The following RBFOX1 variants were observed in gnomAD, a reference collection of about 807,000 sequenced individuals.
The protein encoded by RBFOX1 is RNA binding protein fox-1 homolog 1.
A neutral mutation model predicts 57.7 loss-of-function variants in RBFOX1; 8 were observed. That is an observed-to-expected ratio of 0.14 (90% confidence interval 0.08 to 0.25). The LOEUF (loss-of-function observed/expected upper bound fraction) is 0.25. Ranked by LOEUF, RBFOX1 falls within the 10% of genes least tolerant of loss-of-function variation. RBFOX1 has a pLI of 1.00. For missense variants in RBFOX1, 611 were observed against 548.5 expected (o/e 1.11, Z -1.14); for synonymous variants, 326 against 222.4 (o/e 1.47, Z -4.15).
intron 2 of RBFOX1, among the ~76,000 whole-genome samples, chr16:6,648,346 G>T (rs147332893): frequency 1.1e-3 from 163 of 151,982 alleles, no homozygotes; most frequent in African/African-American, 3.6e-3. Flanking sequence ...TAGGCATGAT[G>T]CATTTTAACT....
chr16:6,501,421 A>G (rs992367347), intron 2 of RBFOX1, among the ~76,000 whole-genome samples: 2 of 151,082 alleles, frequency 1.3e-5, no homozygotes, highest in African/African-American at 4.9e-5. Flanking sequence ...ATAGTTTGCT[A>G]AGAATGATGG....
chr16:7,231,727 G>A lies in RBFOX1; in HGVS notation c.27+179629G>A, dbSNP rs1245576777. ...TGAAATATCATTGAGCCATAAAAAG[G>A]AAGGAGCTACTGTTACATGCTACAA... On this transcript the variant is annotated intron_variant, in intron 4 of 15. Coordinates refer to ENST00000550418, the MANE Select transcript of RBFOX1 (RefSeq NM_018723.4). 1.3e-5 allele frequency among the ~76,000 whole-genome samples: 2 copies of A among 152,150 alleles called. 1 individual carries two copies. Among genetic ancestry groups the A allele is most frequent in the Non-Finnish European group, 2.9e-5 (2 of 68,030 alleles).
At chr16:7,269,302 GT>G (rs2095259331) in intron 4 of RBFOX1, among the ~76,000 whole-genome samples, 1 of 151,970 alleles carries the variant, frequency 6.6e-6, no homozygotes, top group African/African-American at 2.4e-5. Flanking sequence ...AAATAATTCT[GT>G]TTAGAAAAGC....
intron 4 of RBFOX1, among the ~76,000 whole-genome samples, chr16:7,199,701 C>A (rs9940885): frequency 7.2e-5 from 11 of 152,044 alleles, no homozygotes; most frequent in African/African-American, 2.7e-4. Flanking sequence ...CAAGATCTGC[C>A]TTTGCCAACG....
intron 3 of RBFOX1, among the ~76,000 whole-genome samples, chr16:7,005,537 A>G (rs1188894173): frequency 6.6e-6 from 1 of 152,198 alleles, no homozygotes; most frequent in Non-Finnish European, 1.5e-5. Flanking sequence ...AGTGTTCTGT[A>G]ATTTTTATCT....
At chr16:7,265,493 G>T (rs2095093380) in intron 4 of RBFOX1, among the ~76,000 whole-genome samples, 1 of 152,080 alleles carries the variant, frequency 6.6e-6, no homozygotes, top group Non-Finnish European at 1.5e-5. Context: ...CTGTCACCCA[G>T]GCTGGAGTGC....
chr16:7,192,971 C>T (rs529311637), intron 4 of RBFOX1, among the ~76,000 whole-genome samples: 19 of 152,290 alleles, frequency 1.2e-4, no homozygotes, highest in Admixed American at 1.2e-3. Flanking sequence ...TGTCGACAGA[C>T]ATCTTTGGGT....
At position 5,889,311 on chromosome 16, in the gene RBFOX1, A is replaced by G. The variant is rs894898980; in HGVS notation, c.351+21976A>G. Among the ~76,000 whole-genome samples, 8 of 152,106 alleles carry G rather than the reference A, an allele frequency of 5.3e-5. No homozygotes were observed. In the East Asian group the frequency reaches 1.5e-3, roughly 29 times the overall value. On this transcript the variant is annotated intron_variant, in intron 4 of 19. Coordinates refer to the RBFOX1 transcript ENST00000641259. ...CATTCAGCTCCCCCTTATAAGTGAG[A>G]ACACGTGGTGTTTGCTTTTCTTTTC...
chr16:7,662,466 T>A (rs540107345), intron 12 of RBFOX1, among the ~76,000 whole-genome samples: 1 of 152,324 alleles, frequency 6.6e-6, no homozygotes, highest in African/African-American at 2.4e-5. Context: ...TTCTGACGCC[T>A]TCTCATGCCC....
intron 3 of RBFOX1, among the ~76,000 whole-genome samples, chr16:6,986,498 C>A (rs2090318821): frequency 2.6e-5 from 4 of 152,200 alleles, no homozygotes; most frequent in Admixed American, 2.6e-4. Flanking sequence ...CACGTCCAGC[C>A]CCAGGCTGGT....
chr16:7,605,247 G>A (rs1181922117), intron 9 of RBFOX1, among the ~76,000 whole-genome samples: 1 of 152,096 alleles, frequency 6.6e-6, no homozygotes, highest in East Asian at 1.9e-4. Context: ...TGAAATGTCT[G>A]AACTAATATT....
At chr16:7,048,785 G>C (rs1187934124) in intron 3 of RBFOX1, among the ~76,000 whole-genome samples, 1 of 152,048 alleles carries the variant, frequency 6.6e-6, no homozygotes, top group African/African-American at 2.4e-5. Context: ...AAGTCATTTT[G>C]GTTTGTATTC....
At chr16:5,823,703 A>G (rs1205051018) in intron 3 of RBFOX1, among the ~76,000 whole-genome samples, 5 of 152,152 alleles carry the variant, frequency 3.3e-5, no homozygotes. Flanking sequence ...TGTGAACTGC[A>G]CATGTGAGGG....
intron 4 of RBFOX1, among the ~76,000 whole-genome samples, chr16:7,400,468 T>A (rs191090246): frequency 3.0e-4 from 45 of 152,326 alleles, no homozygotes; most frequent in Non-Finnish European, 3.1e-4. Flanking sequence ...TGCTTTTTTT[T>A]AATTTAAATT....
chr16:7,509,654 G>T (rs1299994950), intron 4 of RBFOX1, among the ~76,000 whole-genome samples: 1 of 152,098 alleles, frequency 6.6e-6, no homozygotes, highest in Non-Finnish European at 1.5e-5. Context: ...AGATCGATTT[G>T]CAGTTAACCA....
At chr16:7,622,031 T>C (rs760388639) in intron 10 of RBFOX1, among the ~76,000 whole-genome samples, 12 of 152,180 alleles carry the variant, frequency 7.9e-5, no homozygotes, top group Admixed American at 5.9e-4. Context: ...TGTCAACCAT[T>C]TAAAATCGTA....
At chr16:7,701,752 A>T (rs1404470586) in intron 14 of RBFOX1, among the ~76,000 whole-genome samples, 1 of 152,178 alleles carries the variant, frequency 6.6e-6, no homozygotes, top group Non-Finnish European at 1.5e-5. Flanking sequence ...ACCACAGAGG[A>T]GTATTTCCCT....
At chr16:6,270,265 A>G (rs562749427) in intron 1 of RBFOX1, among the ~76,000 whole-genome samples, 4 of 152,300 alleles carry the variant, frequency 2.6e-5, no homozygotes, top group South Asian at 4.1e-4. Context: ...AATGGCCTAT[A>G]TACACCCTTT....
chr16:7,359,224 C>T (rs118162053), intron 4 of RBFOX1, among the ~76,000 whole-genome samples: 2 of 152,162 alleles, frequency 1.3e-5, no homozygotes, highest in Non-Finnish European at 2.9e-5. Context: ...ATCCTTACCT[C>T]TCAGAGGGAC....
Sources: allele counts gnomAD v4.1 joint callset (sites outside exome capture counted in the v4.1 genomes callset), GRCh38; gene constraint gnomAD v4.1.1; transcripts MANE v1.5; gene names NCBI Gene and HGNC (gene_info 2026-07-23, HGNC 2026-07-21).